Variants in GREB1 observed in about 807,000 individuals in gnomAD.
GREB1 encodes protein GREB1.
In GREB1, 106 loss-of-function variants were observed where a neutral mutation model predicts 200.7. That is an observed-to-expected ratio of 0.53 (90% CI 0.45 to 0.62). The LOEUF (loss-of-function observed/expected upper bound fraction) is 0.62. Among genes scored for constraint, GREB1 ranks in the 20% least tolerant of loss-of-function variants. GREB1 has a pLI of 0.00. For missense variants in GREB1, 2,243 were observed against 2,556.8 expected, an observed-to-expected ratio of 0.88 and a Z score of 2.65; for synonymous variants, 1,132 against 1,092.4, an observed-to-expected ratio of 1.04 and a Z score of -0.72.
chr2:11,581,007 G>A, intron 7 of GREB1, 175 bp downstream of exon 7: 2 of 775,984 alleles, frequency 2.6e-6, no homozygotes, highest in Non-Finnish European at 4.5e-6. Flanking sequence ...CTGGGCCCAG[G>A]CCCTGGTGCT....
At chr2:11,611,472 TC>T (rs1234463597) in intron 18 of GREB1, among the ~76,000 whole-genome samples, 1 of 152,118 alleles carries the variant, frequency 6.6e-6, no homozygotes, top group Non-Finnish European at 1.5e-5. Context: ...GCCACCACAC[TC>T]GGCTAATTTT....
intron 4 of GREB1, among the ~76,000 whole-genome samples, chr2:11,576,027 G>A (rs1312079372): frequency 1.3e-5 from 2 of 152,214 alleles, no homozygotes; most frequent in Non-Finnish European, 2.9e-5. Flanking sequence ...TGGGGTGCTT[G>A]CCTTGTGGCG....
Position 11,631,971 on chromosome 2 carries a change from C to T in GREB1, c.4674C>T (p.Leu1558=), listed in dbSNP as rs757789807. The T allele has an allele frequency of 6.2e-7, 1 of 1,614,188 alleles. No individual in the cohort carries two copies. The stretch of plus-strand genomic sequence containing the variant: ...CCACCGGCCGTCACGAACATGGGCT[C>T]TTTAATCTGTACCACGCAATGGACG... ...TPTTGRHEHG[L]FNLYHAMDGA... The change falls in exon 27 of 33, where the codon CTC becomes CTT. Residue 1558 remains leucine, a synonymous_variant. Transcript: ENST00000381486.
In GREB1 at chr2:11,635,525, C is replaced by T; in HGVS notation, c.5346+120C>T. The T allele has an allele frequency of 1.7e-6, 2 of 1,161,166 alleles. 1 individual carries two copies. Among genetic ancestry groups the T allele is most frequent in the South Asian group, 3.1e-5 (2 of 64,674 alleles). The allele number at this position is 1,161,166 out of a possible 1,614,324, so 71.9% of individuals were successfully genotyped here. On this transcript the variant is annotated intron_variant, in intron 30 of 32. Transcript: ENST00000381486. ...CTCTTTCAAGCGCATGGGGCAGGGC[C>T]CTACTGGGTGGGGTCAGTAAAGGTT...
chr2:11,495,938 C>CG (rs1487095736), intron 1 of GREB1, among the ~76,000 whole-genome samples: 9 of 151,872 alleles, frequency 5.9e-5, no homozygotes, highest in Non-Finnish European at 1.3e-4. Context: ...AGCCTTGGGA[C>CG]GGACGTAACG....
chr2:11,514,042 G>A (rs1248730126), intron 1 of GREB1, among the ~76,000 whole-genome samples: 3 of 152,214 alleles, frequency 2.0e-5, no homozygotes, highest in Admixed American at 6.5e-5. Flanking sequence ...CTGGATCAGT[G>A]CAGAGAGGAT....
intron 4 of GREB1, among the ~76,000 whole-genome samples, chr2:11,567,033 C>T (rs1677744826): frequency 1.3e-5 from 2 of 152,212 alleles, no homozygotes; most frequent in Non-Finnish European, 2.9e-5. Context: ...CCAGAATGTT[C>T]TGTCCTGAAG....
At position 11,629,129 on chromosome 2, in the gene GREB1, A is replaced by G. The variant is rs1487115050; in HGVS notation, c.4450-819A>G. Among the ~76,000 whole-genome samples, 1 of 152,170 alleles carries G rather than the reference A, an allele frequency of 6.6e-6. No individual in the cohort carries two copies. Among genetic ancestry groups the G allele is most frequent in the Non-Finnish European group, 1.5e-5 (1 of 68,034 alleles). On this transcript the variant is annotated intron_variant, in intron 25 of 32. Transcript: ENST00000381486. The surrounding 1 kb of genome is among the most constrained non-coding windows in gnomAD (Gnocchi z 5.2). Reference sequence around the variant, plus strand: ...AGGGCTCTGTGGGTCTAGAAGAGCCATGGCAGAGATTAAAGCAGTGTGTGC... The same window carrying G: ...AGGGCTCTGTGGGTCTAGAAGAGCCGTGGCAGAGATTAAAGCAGTGTGTGC...
chr2:11,600,035 A>C (rs1433779614), intron 15 of GREB1, among the ~76,000 whole-genome samples: 1 of 152,190 alleles, frequency 6.6e-6, no homozygotes. Flanking sequence ...GGTCGTGGAG[A>C]AAGCCTTTGA....
rs1165615179 is a variant in GREB1 at position 11,597,020 on chromosome 2, G to C, written c.1955-761G>C. 3.3e-5 allele frequency among the ~76,000 whole-genome samples: 5 copies of C among 151,760 alleles called. No homozygotes were observed. Among genetic ancestry groups the C allele is most frequent in the Admixed American group, 3.3e-4 (5 of 15,246 alleles). ...CAGTGGGCATAGCTGTGTGCAGTGA[G>C]AGGCGCCAATGGGCACAGGTGTGCA... is the stretch of plus-strand genomic sequence containing the variant. On this transcript the variant is annotated intron_variant, in intron 13 of 32. Transcript: ENST00000381486. The surrounding 1 kb of genome is among the most constrained non-coding windows in gnomAD (Gnocchi z 4.1).
chr2:11,492,489 C>G lies in GREB1; in HGVS notation c.-159+10108C>G, dbSNP rs1218354701. Among the ~76,000 whole-genome samples the G allele has an allele frequency of 6.6e-6, 1 of 152,154 alleles. No individual in the cohort carries two copies. Among genetic ancestry groups the G allele is most frequent in the Non-Finnish European group, 1.5e-5 (1 of 68,034 alleles). On this transcript the variant is annotated intron_variant, in intron 1 of 2. Transcript: ENST00000628795. The surrounding 1 kb of genome is among the most constrained non-coding windows in gnomAD (Gnocchi z 4.0). ...ATCACAGTCTGTGATCTGGAGCCGG[C>G]TTTGCATGGCAGAGGCTCATTCTCT...
chr2:11,636,999 CAG>C lies in GREB1; in HGVS notation c.5347-714_5347-713del, dbSNP rs138267431. Among the ~76,000 whole-genome samples, 210 of 134,666 alleles carry C rather than the reference CAG, an allele frequency of 1.6e-3. 36 individuals carry two copies. The East Asian group carries it at 0.043, about 28-fold the overall frequency. 88.3% of individuals were successfully genotyped at this position (134,666 alleles called of 152,430 possible). ...GCAGGGGCATGGGCAGAGGTAGGGA[CAG>C]AGGCAGGGGCAGGGACAGAGGCAGG... On this transcript the variant is annotated intron_variant, in intron 30 of 32. Transcript: ENST00000381486.
intron 1 of GREB1, among the ~76,000 whole-genome samples, chr2:11,490,370 T>C (rs1000827038): frequency 2.0e-5 from 3 of 152,238 alleles, no homozygotes; most frequent in African/African-American, 7.2e-5. Flanking sequence ...TTACCCGTGT[T>C]GTAGCATGTA....
At chr2:11,573,519 C>G (rs1002755561) in intron 4 of GREB1, among the ~76,000 whole-genome samples, 2 of 152,170 alleles carry the variant, frequency 1.3e-5, no homozygotes, top group Non-Finnish European at 1.5e-5. Context: ...TTTCCTCTTT[C>G]TCATGAACAT....
chr2:11,502,387 AT>A (rs760217942), intron 1 of GREB1, among the ~76,000 whole-genome samples: 2,513 of 136,920 alleles, frequency 0.018, 31 homozygotes, highest in East Asian at 0.045. Flanking sequence ...GACCTGGCTA[AT>A]TTTTTTTTTT....
At position 11,585,829 on chromosome 2, in the gene GREB1, G is replaced by A. The variant is rs113195671; in HGVS notation, c.1083G>A (p.Val361=). ...LVGPASVTFP[V]VASGEPVSVP... is the part of the protein sequence containing the mutation. ...GACCAGCTTCAGTCACCTTTCCAGTGGTGGCCTCTGGAGAACCAGTGTCTG... is the reference window on the plus strand; with the variant it reads ...GACCAGCTTCAGTCACCTTTCCAGTAGTGGCCTCTGGAGAACCAGTGTCTG... Residue 361 remains valine (V), a synonymous_variant, in exon 9 of 33, where the codon GTG becomes GTA. Transcript: ENST00000381486. 197 of 1,613,862 alleles carry A rather than the reference G, an allele frequency of 1.2e-4. No homozygotes were observed. In the African/African-American group the frequency reaches 2.2e-3, roughly 18 times the overall value.
chr2:11,612,540 T>C lies in GREB1; in HGVS notation c.3052T>C (p.Leu1018=). The change falls in exon 19 of 33, where the codon TTG becomes CTG. Residue 1018 remains leucine, a synonymous_variant. Coordinates refer to ENST00000381486, the MANE Select transcript of GREB1 (RefSeq NM_014668.4). The part of the protein sequence containing the change: ...EDVEWRPQTY[L]ELEGLPCILI... ...TGTGGAGTGGAGACCCCAGACTTAC[T>C]TGGAGCTGGAGGGTCTGCCTTGCAT... The C allele has an allele frequency of 3.7e-6, 6 of 1,613,100 alleles. No individual in the cohort carries two copies. Among genetic ancestry groups the C allele is most frequent in the Non-Finnish European group, 5.1e-6 (6 of 1,179,740 alleles).
intron 1 of GREB1, among the ~76,000 whole-genome samples, chr2:11,497,975 T>A: frequency 1.4e-5 from 1 of 72,716 alleles, no homozygotes; most frequent in Non-Finnish European, 2.8e-5. Context: ...GCAAAACTTT[T>A]TTTTTTTTTT....
intron 1 of GREB1, among the ~76,000 whole-genome samples, chr2:11,508,873 C>CTTTTTT (rs1344798242): frequency 7.2e-6 from 1 of 139,564 alleles, no homozygotes; most frequent in African/African-American, 2.8e-5. Flanking sequence ...TTCTTTCTCT[C>CTTTTTT]TTTTTTTTTT....
Sources: gnomAD v4.1 joint callset for allele counts (sites outside exome capture counted in the v4.1 genomes callset) on GRCh38, gnomAD v4.1.1 for gene constraint, Gnocchi (gnomAD v3.1) non-coding constraint, MANE v1.5 for transcripts, NCBI Gene and HGNC (gene_info 2026-07-23, HGNC 2026-07-21) for gene names.